Variants in RALGPS1 observed in about 807,000 individuals in gnomAD.
RALGPS1 encodes Ral GEF with PH domain and SH3 binding motif 1.
RALGPS1 carries 19 observed loss-of-function variants against 78.8 expected under a neutral mutation model. The observed-to-expected ratio is 0.24, with a 90% CI of 0.17 to 0.35. The LOEUF is 0.35. Among genes scored for constraint, RALGPS1 ranks in the 10% least tolerant of loss-of-function variants. The pLI is 1.00. For missense variants in RALGPS1, 454 were observed against 688.3 expected, an observed-to-expected ratio of 0.66 and a Z score of 3.81; for synonymous variants, 228 against 256.3, an observed-to-expected ratio of 0.89 and a Z score of 1.06.
chr9:127,029,862 C>T (rs4837127), intron 4 of RALGPS1, among the ~76,000 whole-genome samples: 25,644 of 152,184 alleles, frequency 0.17, 2,879 homozygotes, highest in East Asian at 0.41. Context: ...AAGCACAAAA[C>T]CGGCAGCTAG....
At chr9:127,206,962 G>A (rs1271623660) in intron 14 of RALGPS1, among the ~76,000 whole-genome samples, 1 of 152,028 alleles carries the variant, frequency 6.6e-6, no homozygotes, top group East Asian at 1.9e-4. Flanking sequence ...GTGACTCTAC[G>A]TCTCCAAGCA....
chr9:126,917,986 T>C (rs1248923833), intron 1 of RALGPS1, among the ~76,000 whole-genome samples: 3 of 152,198 alleles, frequency 2.0e-5, no homozygotes, highest in Non-Finnish European at 2.9e-5. Context: ...CTTTTAAAAA[T>C]ATCTGTCTAG....
intron 5 of RALGPS1, among the ~76,000 whole-genome samples, chr9:127,046,336 A>G (rs2135193129): frequency 6.6e-6 from 1 of 152,294 alleles, no homozygotes; most frequent in East Asian, 1.9e-4. Context: ...GGTAGTGTAA[A>G]TTGTGTAACC....
intron 8 of RALGPS1, among the ~76,000 whole-genome samples, chr9:127,152,798 A>ACCC (rs547447385): frequency 2.4e-3 from 364 of 152,124 alleles, no homozygotes; most frequent in Non-Finnish European, 4.0e-3. Context: ...ACTGGTCTGT[A>ACCC]CCCCCATCTC....
chr9:127,115,578 C>T (rs2055322521), intron 8 of RALGPS1, among the ~76,000 whole-genome samples: 1 of 152,236 alleles, frequency 6.6e-6, no homozygotes, highest in Non-Finnish European at 1.5e-5. Context: ...AAGTAAATAT[C>T]ACAACTGGGA....
intron 11 of RALGPS1, among the ~76,000 whole-genome samples, chr9:127,191,972 G>C (rs554815671): frequency 3.6e-4 from 55 of 152,298 alleles, no homozygotes; most frequent in East Asian, 9.7e-4. Context: ...GCTGGGATTA[G>C]AGGCGTGAGC....
chr9:127,128,293 T>C (rs910602984), intron 8 of RALGPS1, among the ~76,000 whole-genome samples: 2 of 152,256 alleles, frequency 1.3e-5, no homozygotes, highest in African/African-American at 4.8e-5. Flanking sequence ...TTGTGAACAG[T>C]GCTAAAAGTT....
intron 8 of RALGPS1, chr9:127,108,343 A>T: frequency 6.2e-7 from 1 of 1,612,538 alleles, no homozygotes; most frequent in Non-Finnish European, 8.5e-7. Flanking sequence ...CCGCGAGTTC[A>T]TGTTGCGGCT....
intron 14 of RALGPS1, among the ~76,000 whole-genome samples, chr9:127,208,388 G>A (rs1236792415): frequency 6.6e-6 from 1 of 152,228 alleles, no homozygotes; most frequent in African/African-American, 2.4e-5. Context: ...CCATGTTTAT[G>A]CTGCCGCCTC....
At chr9:127,006,088 A>T (rs2043815406) in intron 4 of RALGPS1, among the ~76,000 whole-genome samples, 1 of 152,234 alleles carries the variant, frequency 6.6e-6, no homozygotes, top group Non-Finnish European at 1.5e-5. Flanking sequence ...TCTATGACAC[A>T]TCCACAGTCA....
chr9:126,978,234 C>T (rs1379489882), intron 4 of RALGPS1: 1 of 151,308 alleles, frequency 6.6e-6, no homozygotes, highest in African/African-American at 2.4e-5. Context: ...AATCCCGGCA[C>T]TTTGGGAGCC....
At chr9:127,044,893 G>C (rs541623111) in intron 5 of RALGPS1, among the ~76,000 whole-genome samples, 24 of 152,124 alleles carry the variant, frequency 1.6e-4, no homozygotes, top group Non-Finnish European at 3.2e-4. Flanking sequence ...ATTATTGTTG[G>C]TTTATTACAA....
intron 4 of RALGPS1, among the ~76,000 whole-genome samples, chr9:127,008,237 G>C (rs1394045671): frequency 6.6e-6 from 1 of 152,142 alleles, no homozygotes; most frequent in African/African-American, 2.4e-5. Context: ...ACCTGCATGA[G>C]GTATCCTGTA....
chr9:127,154,872 G>T (rs1054145243), intron 8 of RALGPS1, among the ~76,000 whole-genome samples: 1 of 152,200 alleles, frequency 6.6e-6, no homozygotes, highest in Non-Finnish European at 1.5e-5. Flanking sequence ...GCCTTTCTGT[G>T]CACAGTAGCA....
intron 10 of RALGPS1, among the ~76,000 whole-genome samples, chr9:127,170,137 G>C (rs979042694): frequency 6.6e-6 from 1 of 152,034 alleles, no homozygotes; most frequent in Non-Finnish European, 1.5e-5. Context: ...ATCTAAGTTC[G>C]TGAAAACTGT....
At chr9:127,037,601 C>T (rs2046967738) in intron 5 of RALGPS1, among the ~76,000 whole-genome samples, 1 of 152,250 alleles carries the variant, frequency 6.6e-6, no homozygotes, top group African/African-American at 2.4e-5. Context: ...TGAACTTGGT[C>T]TTGCTCTCTC....
At chr9:127,111,190 T>C (rs1285176212) in intron 8 of RALGPS1, among the ~76,000 whole-genome samples, 1 of 152,150 alleles carries the variant, frequency 6.6e-6, no homozygotes, top group Non-Finnish European at 1.5e-5. Flanking sequence ...TTATACTTGC[T>C]GGTCCCTGCC....
At chr9:127,047,015 G>A (rs937850691) in intron 5 of RALGPS1, among the ~76,000 whole-genome samples, 1 of 150,534 alleles carries the variant, frequency 6.6e-6, no homozygotes, top group Non-Finnish European at 1.5e-5. Flanking sequence ...GATAGTAACT[G>A]GTATTGGCCT....
intron 1 of RALGPS1, among the ~76,000 whole-genome samples, chr9:126,941,365 A>G (rs2036773999): frequency 6.6e-6 from 1 of 152,164 alleles, no homozygotes; most frequent in South Asian, 2.1e-4. Context: ...CAGATATTCC[A>G]TTTACCCTGA....
Sources: allele counts gnomAD v4.1 joint callset (sites outside exome capture counted in the v4.1 genomes callset), GRCh38; gene constraint gnomAD v4.1.1; transcripts MANE v1.5; gene names NCBI Gene and HGNC (gene_info 2026-07-23, HGNC 2026-07-21).